The following CDH13 variants were observed in gnomAD, a reference collection of about 807,000 sequenced individuals.
The protein encoded by CDH13 is cadherin-13.
Under a neutral mutation model 63.8 loss-of-function variants are expected in CDH13, and 24 were observed. The ratio of observed to expected loss-of-function variants is 0.38; its 90% CI spans 0.27 to 0.53. The LOEUF is 0.53. Ranked by LOEUF, CDH13 falls within the 20% of genes least tolerant of loss-of-function variation. The probability of loss-of-function intolerance (pLI) is 0.85; values close to 1 mark genes in which losing one functional copy is unlikely to be tolerated. For synonymous variants in CDH13, 503 were observed against 355.3 expected (o/e 1.42, Z -4.67); for missense variants, 1,049 against 903.1 (o/e 1.16, Z -2.07).
chr16:82,797,111 A>C (rs2036619871), intron 1 of CDH13, among the ~76,000 whole-genome samples: 1 of 152,246 alleles, frequency 6.6e-6, no homozygotes. Flanking sequence ...AGCAAAGTCT[A>C]GATGAAATGA....
chr16:83,275,757 T>G (rs955143176), intron 5 of CDH13, among the ~76,000 whole-genome samples: 2 of 152,064 alleles, frequency 1.3e-5, no homozygotes, highest in Non-Finnish European at 2.9e-5. Context: ...GTCGCCCACT[T>G]TATGGGAATT....
chr16:82,877,000 C>G (rs763767653), intron 2 of CDH13, among the ~76,000 whole-genome samples: 1 of 152,194 alleles, frequency 6.6e-6, no homozygotes, highest in Non-Finnish European at 1.5e-5. Flanking sequence ...TACAACTTCT[C>G]AAAGTAGAAG....
chr16:82,970,178 ATTTGGTT>A (rs536596174), intron 2 of CDH13, among the ~76,000 whole-genome samples: 224 of 151,984 alleles, frequency 1.5e-3, no homozygotes, highest in African/African-American at 5.0e-3. Context: ...AACATGTGGT[ATTTGGTT>A]TTCTGTTCTT....
At chr16:83,673,739 C>A (rs946172911) in intron 9 of CDH13, among the ~76,000 whole-genome samples, 1 of 152,158 alleles carries the variant, frequency 6.6e-6, no homozygotes, top group Non-Finnish European at 1.5e-5. Flanking sequence ...TGGGCTTGCC[C>A]CAGACCTGCT....
chr16:83,371,690 A>G (rs1381098745), intron 6 of CDH13, among the ~76,000 whole-genome samples: 1 of 152,222 alleles, frequency 6.6e-6, no homozygotes, highest in Non-Finnish European at 1.5e-5. Context: ...GGTACTGTCA[A>G]TACTTACATA....
rs941541336 is a variant in CDH13 at position 83,750,782 on chromosome 16, A to C, written c.1681+2532A>C. On this transcript the variant is annotated intron_variant, in intron 11 of 13. Coordinates refer to ENST00000567109, the MANE Select transcript of CDH13 (RefSeq NM_001257.5). Reference sequence around the variant, plus strand: ...TCCTCACATCCCTCAGCAGGAACCAAACCTGCAGATGCTTCAGTCTTGGAC... The same window carrying C: ...TCCTCACATCCCTCAGCAGGAACCACACCTGCAGATGCTTCAGTCTTGGAC... 4.3e-4 allele frequency among the ~76,000 whole-genome samples: 66 copies of C among 152,156 alleles called. 1 individual carries two copies. The highest frequency in any genetic ancestry group is 1.6e-3 in the African/African-American group (66 of 41,434).
intron 1 of CDH13, among the ~76,000 whole-genome samples, chr16:82,715,759 G>A (rs946822793): frequency 7.9e-5 from 12 of 152,272 alleles, no homozygotes; most frequent in Non-Finnish European, 1.3e-4. Flanking sequence ...CATGCAGCAC[G>A]AAGCAGCGAT....
In CDH13 at chr16:83,678,485, C is replaced by G. The variant is rs138365602; in HGVS notation, c.1538+24C>G. 99 of 1,613,184 alleles carry G rather than the reference C, an allele frequency of 6.1e-5. 1 individual carries two copies. In the East Asian group the frequency reaches 2.1e-3, roughly 34 times the overall value. ...AGGTGGGTGAGTGGCTCCGGAACCA[C>G]AGACGGGAGGTGGGCAGGAATGGCT... On this transcript the variant is annotated intron_variant, in intron 10 of 13. Transcript: ENST00000567109.
intron 4 of CDH13, among the ~76,000 whole-genome samples, chr16:83,212,077 T>C (rs1005027430): frequency 2.0e-5 from 3 of 152,050 alleles, no homozygotes; most frequent in Admixed American, 6.6e-5. Flanking sequence ...GTGCACTGGA[T>C]TTCTTATATT....
intron 10 of CDH13, among the ~76,000 whole-genome samples, chr16:83,747,825 C>G (rs1912730689): frequency 6.6e-6 from 1 of 150,808 alleles, no homozygotes; most frequent in African/African-American, 2.4e-5. Flanking sequence ...GCTGTGAATT[C>G]TGCTTTGCTT....
intron 3 of CDH13, among the ~76,000 whole-genome samples, chr16:83,054,476 T>C (rs1354961607): frequency 1.3e-5 from 2 of 152,182 alleles, no homozygotes; most frequent in African/African-American, 4.8e-5. Context: ...GGATAGTATG[T>C]ACAGTGTGGA....
intron 1 of CDH13, among the ~76,000 whole-genome samples, chr16:82,850,512 GA>G (rs2039439728): frequency 6.6e-6 from 1 of 152,186 alleles, no homozygotes; most frequent in Admixed American, 6.5e-5. Context: ...AAACATTGTT[GA>G]AAAGACAATA....
chr16:83,269,174 G>A (rs2088719157), intron 5 of CDH13, among the ~76,000 whole-genome samples: 1 of 152,164 alleles, frequency 6.6e-6, no homozygotes, highest in Admixed American at 6.5e-5. Context: ...AGGCTTCTTA[G>A]AAATTCAAAT....
chr16:82,883,323 T>A (rs1187547168), intron 2 of CDH13, among the ~76,000 whole-genome samples: 1 of 152,184 alleles, frequency 6.6e-6, no homozygotes, highest in Non-Finnish European at 1.5e-5. Context: ...ATCACATCAT[T>A]GTATTTAATA....
intron 6 of CDH13, among the ~76,000 whole-genome samples, chr16:83,403,090 A>G (rs2091991878): frequency 6.6e-6 from 1 of 152,168 alleles, no homozygotes; most frequent in African/African-American, 2.4e-5. Flanking sequence ...TAGCAACCAC[A>G]TACACACACT....
intron 2 of CDH13, among the ~76,000 whole-genome samples, chr16:82,976,170 A>G (rs1909475756): frequency 6.6e-6 from 1 of 152,190 alleles, no homozygotes; most frequent in South Asian, 2.1e-4. Flanking sequence ...GAGACAGTCA[A>G]AGACTCTTCA....
At chr16:82,738,590 C>T (rs539972853) in intron 1 of CDH13, among the ~76,000 whole-genome samples, 2 of 152,314 alleles carry the variant, frequency 1.3e-5, no homozygotes, top group East Asian at 3.9e-4. Flanking sequence ...TTTCTCCATG[C>T]TGTAACTAAA....
intron 2 of CDH13, among the ~76,000 whole-genome samples, chr16:82,865,152 C>A (rs1320768071): frequency 6.6e-6 from 1 of 152,220 alleles, no homozygotes; most frequent in Admixed American, 6.5e-5. Context: ...CTCCCAGCTG[C>A]TTTCACAGGC....
At chr16:83,062,333 T>C (rs1464532037) in intron 3 of CDH13, among the ~76,000 whole-genome samples, 2 of 152,224 alleles carry the variant, frequency 1.3e-5, no homozygotes, top group Non-Finnish European at 2.9e-5. Context: ...AAAAGCGTTG[T>C]TTCTTTTTTT....
Sources: allele counts gnomAD v4.1 joint callset (sites outside exome capture counted in the v4.1 genomes callset), GRCh38; gene constraint gnomAD v4.1.1; transcripts MANE v1.5; gene names NCBI Gene and HGNC (gene_info 2026-07-23, HGNC 2026-07-21).